PCDHA10: variants seen among roughly 807,000 people sequenced by gnomAD.
The protein encoded by PCDHA10 is protocadherin alpha 10.
In PCDHA10, 45 loss-of-function variants were observed where a neutral mutation model predicts 61.2. The observed-to-expected ratio is 0.74, with a 90% CI of 0.58 to 0.94. The LOEUF (loss-of-function observed/expected upper bound fraction) is 0.94. PCDHA10 is among the 40% of genes least tolerant of loss of function. The pLI is 0.00. For synonymous variants in PCDHA10, 602 were observed against 548.8 expected (o/e 1.10, Z -1.35); for missense variants, 1,278 against 1,236.2 (o/e 1.03, Z -0.51).
chr5:140,890,452 G>A (rs72800989), intron 1 of PCDHA10, among the ~76,000 whole-genome samples: 2,230 of 151,860 alleles, frequency 0.015, 28 homozygotes, highest in Non-Finnish European at 0.022. Context: ...GATATCTTTA[G>A]GCACAAATAT....
chr5:140,922,883 T>G (rs963654982), intron 1 of PCDHA10, among the ~76,000 whole-genome samples: 2 of 152,134 alleles, frequency 1.3e-5, no homozygotes, highest in African/African-American at 2.4e-5. Flanking sequence ...TCCAAAGACA[T>G]CATTCAAGAA....
At chr5:140,927,400 C>G (rs782428365) in intron 1 of PCDHA10, 11 of 1,614,126 alleles carry the variant, frequency 6.8e-6, no homozygotes, top group Non-Finnish European at 8.5e-6. Flanking sequence ...TCAGCACTTT[C>G]GCCTGGACAT....
rs191774551 is a variant in PCDHA10, at chr5:140,984,794, A to C, written c.2536+2231A>C. Among the ~76,000 whole-genome samples, 4 of 152,294 alleles carry C rather than the reference A, an allele frequency of 2.6e-5. No homozygotes were observed. In the East Asian group the frequency reaches 7.7e-4, roughly 29 times the overall value. ...CTTACTTGCTGGGTGAGCATAGACA[A>C]ACTGCCTGAATTCATATTTTCTTAA... On this transcript the variant is annotated intron_variant, in intron 3 of 3. Transcript: ENST00000307360.
chr5:141,011,084 C>A lies in PCDHA10; in HGVS notation c.*1147C>A, dbSNP rs928216799. Reference sequence around the variant, plus strand: ...CATGTATTACTAAATAAAATGATCTCTCTTTCTCTCTCTCTCTCTCTTTTC... The same window carrying A: ...CATGTATTACTAAATAAAATGATCTATCTTTCTCTCTCTCTCTCTCTTTTC... On this transcript the variant is annotated 3_prime_UTR_variant, in exon 4 of 4. Transcript: ENST00000307360. 1.3e-5 allele frequency: 2 copies of A among 153,722 alleles called. No individual in the cohort carries two copies. The highest frequency in any genetic ancestry group is 2.9e-5 in the Non-Finnish European group (2 of 68,048). The allele number at this position is 153,722 out of a possible 1,614,324, so 9.5% of individuals were successfully genotyped here.
intron 1 of PCDHA10, chr5:140,927,000 A>G (rs1554203899): frequency 1.2e-6 from 2 of 1,612,352 alleles, no homozygotes; most frequent in Non-Finnish European, 1.7e-6. Flanking sequence ...GCGTAGCCGT[A>G]GGCAATCTCT....
chr5:140,952,081 A>G (rs1554220214), intron 1 of PCDHA10, among the ~76,000 whole-genome samples: 3 of 152,064 alleles, frequency 2.0e-5, no homozygotes. Flanking sequence ...CATTGACTCC[A>G]TGTCTCACAT....
rs115903226 is a variant in PCDHA10 at position 140,929,361 on chromosome 5, C to A, written c.2389-49588C>A. 4,899 of 1,519,562 alleles carry A rather than the reference C, an allele frequency of 3.2e-3. 25 individuals carry two copies. The highest frequency in any genetic ancestry group is 0.019 in the African/African-American group (1,394 of 71,916). 94.1% of individuals were successfully genotyped at this position (1,519,562 alleles called of 1,614,324 possible). On this transcript the variant is annotated intron_variant, in intron 1 of 3. Coordinates refer to ENST00000307360, the MANE Select transcript of PCDHA10 (RefSeq NM_018901.4). ...TTTATGGAATTTGATTCCTTTGGCC[C>A]GGAGATGGCTGCTAGCTGTGTTTTG...
chr5:140,959,842 C>G (rs1219308136), intron 1 of PCDHA10, among the ~76,000 whole-genome samples: 2 of 152,118 alleles, frequency 1.3e-5, no homozygotes, highest in African/African-American at 4.8e-5. Context: ...ATGCCTGTAA[C>G]TGCTAAAGGA....
At chr5:140,959,676 A>G (rs2095505288) in intron 1 of PCDHA10, among the ~76,000 whole-genome samples, 1 of 152,246 alleles carries the variant, frequency 6.6e-6, no homozygotes, top group Non-Finnish European at 1.5e-5. Flanking sequence ...AATCATTTCT[A>G]AATAATTTCA....
intron 1 of PCDHA10, among the ~76,000 whole-genome samples, chr5:140,889,253 G>A (rs1272394693): frequency 6.6e-6 from 1 of 151,724 alleles, no homozygotes; most frequent in Non-Finnish European, 1.5e-5. Flanking sequence ...TCTGTTTCCT[G>A]TAAAAGTTTG....
intron 1 of PCDHA10, among the ~76,000 whole-genome samples, chr5:140,924,973 GCTCATGT>G (rs1447379119): frequency 2.0e-5 from 3 of 151,826 alleles, no homozygotes; most frequent in African/African-American, 7.2e-5. Flanking sequence ...GAGTGCAGTG[GCTCATGT>G]CTGTAATCCT....
At chr5:140,906,323 A>C (rs1487570044) in intron 1 of PCDHA10, among the ~76,000 whole-genome samples, 1 of 152,212 alleles carries the variant, frequency 6.6e-6, no homozygotes, top group Admixed American at 6.5e-5. Flanking sequence ...AACATGATAC[A>C]ACTATCCTTC....
At chr5:140,963,594 C>G (rs549697848) in intron 1 of PCDHA10, among the ~76,000 whole-genome samples, 1 of 152,258 alleles carries the variant, frequency 6.6e-6, no homozygotes, top group South Asian at 2.1e-4. Flanking sequence ...GGATATAGTT[C>G]TAGACGTAAT....
rs1402531454 is a variant in PCDHA10 at position 141,011,521 on chromosome 5, TA to T, written c.*1586del. 1 of 153,804 alleles carries T rather than the reference TA, an allele frequency of 6.5e-6. No individual in the cohort carries two copies. The allele number at this position is 153,804 out of a possible 1,614,324, so 9.5% of individuals were successfully genotyped here. A position where few individuals can be genotyped will look rare whatever the true frequency, so the allele number is the denominator to read the frequency against. ...GTGAAAAAGTGGAGTAGTGTTTTTT[TA>T]ACCATTGTTAATCAGCTTTTGTGTA... On this transcript the variant is annotated 3_prime_UTR_variant, in exon 4 of 4. Coordinates refer to ENST00000307360, the MANE Select transcript of PCDHA10 (RefSeq NM_018901.4).
chr5:140,864,502 C>A (rs989482807), intron 1 of PCDHA10: 2 of 152,088 alleles, frequency 1.3e-5, no homozygotes, highest in African/African-American at 4.8e-5. Context: ...TTTAGCCTTG[C>A]CTTTAAAGGT....
At chr5:140,914,562 C>A (rs2076761052) in intron 1 of PCDHA10, among the ~76,000 whole-genome samples, 1 of 152,190 alleles carries the variant, frequency 6.6e-6, no homozygotes, top group East Asian at 1.9e-4. Flanking sequence ...AGAGTTTAGT[C>A]CATTTACATT....
In PCDHA10 at chr5:141,010,200, C is replaced by T. The variant is rs1356287133; in HGVS notation, c.*263C>T. On this transcript the variant is annotated 3_prime_UTR_variant, in exon 4 of 4. Coordinates refer to ENST00000307360, the MANE Select transcript of PCDHA10 (RefSeq NM_018901.4). ...AGCAGACCCAAGTTTCCTTTCTCCTCCGCCGCAAAGGAGAGGCTTCCCAGC... is the reference window on the plus strand; with the variant it reads ...AGCAGACCCAAGTTTCCTTTCTCCTTCGCCGCAAAGGAGAGGCTTCCCAGC... The T allele has an allele frequency of 1.3e-6, 2 of 1,551,984 alleles. No individual in the cohort carries two copies. Among genetic ancestry groups the T allele is most frequent in the African/African-American group, 2.7e-5 (2 of 73,038 alleles).
intron 1 of PCDHA10, chr5:140,969,583 AG>A: frequency 1.1e-6 from 1 of 914,068 alleles, no homozygotes; most frequent in South Asian, 1.9e-5. Context: ...AGTGAGGATT[AG>A]TCTTAATATT....
At chr5:140,875,780 G>C in intron 1 of PCDHA10, 3 of 1,614,128 alleles carry the variant, frequency 1.9e-6, no homozygotes, top group Admixed American at 3.3e-5. Flanking sequence ...GCGGAGTGCA[G>C]TATCCACCTG....
Sources: gnomAD v4.1 joint callset for allele counts (sites outside exome capture counted in the v4.1 genomes callset) on GRCh38, gnomAD v4.1.1 for gene constraint, MANE v1.5 for transcripts, NCBI Gene and HGNC (gene_info 2026-07-23, HGNC 2026-07-21) for gene names.